Variants in ACLY observed in about 807,000 individuals in gnomAD.
ACLY encodes the protein ATP-citrate synthase.
In ACLY, 41 loss-of-function variants were observed where a neutral mutation model predicts 133.0. The ratio of observed to expected loss-of-function variants is 0.31; its 90% confidence interval spans 0.24 to 0.40. The LOEUF (loss-of-function observed/expected upper bound fraction) is 0.40. Among genes scored for constraint, ACLY ranks in the 10% least tolerant of loss-of-function variants. The pLI, the probability that ACLY is intolerant of heterozygous loss-of-function variation, is 1.00. For missense variants in ACLY, 1,046 were observed against 1,453.8 expected (o/e 0.72, Z 4.56); for synonymous variants, 495 against 549.3 (o/e 0.90, Z 1.38).
chr17:41,867,733 C>T lies in ACLY; in HGVS notation c.*77G>A. The stretch of plus-strand genomic sequence containing the variant: ...CCCCTGCTAAATAAAGCAGGCTCCA[C>T]TGCCAGCTGTCTGTACACTTTTTCT... On this transcript the variant is annotated 3_prime_UTR_variant, in exon 29 of 29. Transcript: ENST00000352035. 1 of 1,223,460 alleles carries T rather than the reference C, an allele frequency of 8.2e-7. No homozygotes were observed. Among genetic ancestry groups the T allele is most frequent in the Non-Finnish European group, 1.2e-6 (1 of 868,994 alleles). 75.8% of individuals were successfully genotyped at this position (1,223,460 alleles called of 1,614,324 possible).
At chr17:41,911,043 C>T (rs2049887999) in intron 3 of ACLY, among the ~76,000 whole-genome samples, 1 of 152,168 alleles carries the variant, frequency 6.6e-6, no homozygotes, top group Admixed American at 6.5e-5. Context: ...AGCATCCCTC[C>T]CTCCAATCCC....
chr17:41,913,911 G>A lies in ACLY; in HGVS notation c.-23-15C>T, dbSNP rs1555634105. ...ACCTGCTCTACCTGTCTGGGAGAGA[G>A]AAGCTGGTCAGAAGGGGGCAGGCGT... On this transcript the variant is annotated splice_polypyrimidine_tract_variant and intron_variant, in intron 1 of 28. Transcript: ENST00000352035. 1 of 1,613,410 alleles carries A rather than the reference G, an allele frequency of 6.2e-7. No homozygotes were observed. Among genetic ancestry groups the A allele is most frequent in the Admixed American group, 1.7e-5 (1 of 60,018 alleles).
intron 14 of ACLY, 133 bp from the exon 15 acceptor site, chr17:41,893,307 T>A: frequency 9.5e-7 from 1 of 1,056,398 alleles, no homozygotes; most frequent in Non-Finnish European, 1.3e-6. Context: ...CGTAAAGGAA[T>A]GTCAAGAGGA....
rs2049546503 is a variant in ACLY at position 41,901,706 on chromosome 17, C to T, written c.1173G>A (p.Met391Ile). Residue 391 changes from methionine (M) to isoleucine (I), a missense_variant, in exon 11 of 29, where the codon ATG becomes ATA. By Grantham distance (10) the Met-to-Ile change is conservative (BLOSUM62 1). This residue lies in a region of ACLY where 575 missense variants were observed against 804.2 expected (regional missense o/e 0.71). Transcript: ENST00000352035. ...AGGTCCTCATCTTACCGACTTCTCC[C>T]ATCACCCGTAAGCCCTCCTGATAGT... ...GPNYQEGLRVMGEVGKTTGIP... is the reference protein window; with the variant it reads ...GPNYQEGLRVIGEVGKTTGIP... 6.2e-7 allele frequency: 1 copy of T among 1,610,992 alleles called. No homozygotes were observed.
intron 1 of ACLY, 117 bp from the exon 2 acceptor site, chr17:41,914,013 T>C (rs77300557): frequency 9.9e-7 from 1 of 1,014,418 alleles, no homozygotes; most frequent in East Asian, 2.5e-5. Flanking sequence ...TCTCAGCTTT[T>C]CTCAAGAGGA....
At chr17:41,881,228 G>A (rs1462827880) in intron 20 of ACLY, among the ~76,000 whole-genome samples, 1 of 151,856 alleles carries the variant, frequency 6.6e-6, no homozygotes. Flanking sequence ...TCAGGACTTC[G>A]AGACTAGCCT....
intron 22 of ACLY, among the ~76,000 whole-genome samples, chr17:41,874,388 A>C (rs1354079513): frequency 6.6e-6 from 1 of 151,856 alleles, no homozygotes; most frequent in Admixed American, 6.6e-5. Flanking sequence ...CTGCCCAGCT[A>C]TGCCTCCCAG....
intron 4 of ACLY, among the ~76,000 whole-genome samples, 177 bp downstream of exon 4, chr17:41,910,045 C>T (rs150863769): frequency 6.6e-6 from 1 of 152,266 alleles, no homozygotes; most frequent in Admixed American, 6.5e-5. Flanking sequence ...TAGACCAAGC[C>T]CTTTCCTTCC....
intron 10 of ACLY, among the ~76,000 whole-genome samples, chr17:41,902,565 G>A (rs2049572148): frequency 1.3e-5 from 2 of 152,224 alleles, no homozygotes; most frequent in East Asian, 1.9e-4. Context: ...AAATGAGAGG[G>A]TGGAAAGGTG....
rs1275150615 is a variant in ACLY at position 41,871,959 on chromosome 17, C to G, written c.2793+73G>C. 3.8e-6 allele frequency: 6 copies of G among 1,599,686 alleles called. No individual in the cohort carries two copies. In the African/African-American group the frequency reaches 8.0e-5, roughly 21 times the overall value. On this transcript the variant is annotated intron_variant, in intron 24 of 28. Transcript: ENST00000352035. ...ACACTCAGGGGCTCCTTCTAGGGCC[C>G]TGCTGTGGCAAAGCAGCATGAGGCC...
chr17:41,903,580 C>G (rs2049597479), intron 10 of ACLY, among the ~76,000 whole-genome samples: 1 of 151,734 alleles, frequency 6.6e-6, no homozygotes, highest in African/African-American at 2.4e-5. Flanking sequence ...TGGTGAAACC[C>G]CGTCTCTACT....
chr17:41,891,824 A>C lies in ACLY; in HGVS notation c.1770+455T>G, dbSNP rs557668289. ...TTGATCCTCCTGCCTCAGCTTCCTG[A>C]GTAGCTGGGACTACAGGTGTGAGTC... On this transcript the variant is annotated intron_variant, in intron 16 of 28. Coordinates refer to ENST00000352035, the MANE Select transcript of ACLY (RefSeq NM_001096.3). 3.3e-5 allele frequency among the ~76,000 whole-genome samples: 5 copies of C among 152,238 alleles called. No individual in the cohort carries two copies. The East Asian group carries it at 9.7e-4, about 29-fold the overall frequency.
In ACLY at chr17:41,883,497, T is replaced by G. The variant is rs561614606; in HGVS notation, c.2155-265A>C. Among the ~76,000 whole-genome samples the G allele has an allele frequency of 2.6e-5, 4 of 151,824 alleles. No individual in the cohort carries two copies. The South Asian group carries it at 8.3e-4, about 32-fold the overall frequency. Reference sequence around the variant, plus strand: ...CAAACAAGGGATGGGGTTATGGGACTCCCAAATTTTTTAGTATTTAGAAAA... The same window carrying G: ...CAAACAAGGGATGGGGTTATGGGACGCCCAAATTTTTTAGTATTTAGAAAA... On this transcript the variant is annotated intron_variant, in intron 19 of 28. Coordinates refer to ENST00000352035, the MANE Select transcript of ACLY (RefSeq NM_001096.3).
intron 10 of ACLY, 54 bp downstream of exon 10, chr17:41,904,675 C>T: frequency 6.4e-7 from 1 of 1,562,342 alleles, no homozygotes; most frequent in Admixed American, 1.7e-5. Context: ...GGCCCCTTCC[C>T]TGCTTTCCCC....
chr17:41,894,912 T>C (rs1371696939), intron 14 of ACLY, among the ~76,000 whole-genome samples: 1 of 152,100 alleles, frequency 6.6e-6, no homozygotes, highest in African/African-American at 2.4e-5. Flanking sequence ...GCTAACCAAG[T>C]TCATGGTCTC....
intron 1 of ACLY, among the ~76,000 whole-genome samples, chr17:41,916,361 T>C (rs1041764518): frequency 4.1e-5 from 6 of 146,668 alleles, no homozygotes; most frequent in South Asian, 4.3e-4. Flanking sequence ...AGGTCTTCTG[T>C]TTTTTTGTTT....
chr17:41,911,320 G>A (rs533177674), intron 3 of ACLY, among the ~76,000 whole-genome samples: 1 of 152,320 alleles, frequency 6.6e-6, no homozygotes, highest in South Asian at 2.1e-4. Flanking sequence ...AGAGCCACGT[G>A]CTCTACAGAG....
intron 16 of ACLY, among the ~76,000 whole-genome samples, chr17:41,889,118 C>G (rs547299746): frequency 6.6e-6 from 1 of 151,892 alleles, no homozygotes; most frequent in South Asian, 2.1e-4. Context: ...AACTCTGTCT[C>G]AAAAAACAAA....
chr17:41,907,400 G>A (rs545313663), intron 7 of ACLY, 42 bp downstream of exon 7: 294 of 1,012,786 alleles, frequency 2.9e-4, no homozygotes, highest in East Asian at 6.2e-4. Flanking sequence ...CCTCCCCACC[G>A]CCCTCCCCCC....
Sources: gnomAD v4.1 joint callset for allele counts (sites outside exome capture counted in the v4.1 genomes callset) on GRCh38, gnomAD v4.1.1 for gene constraint, gnomAD v4.1.1 regional missense constraint, MANE v1.5 for transcripts, NCBI Gene and HGNC (gene_info 2026-07-23, HGNC 2026-07-21) for gene names.